B3GALNT2: variants seen among roughly 807,000 people sequenced by gnomAD.
B3GALNT2 encodes the protein UDP-GalNAc:beta-1,3-N-acetylgalactosaminyltransferase 2.
A neutral mutation model predicts 61.1 loss-of-function variants in B3GALNT2; 53 were observed. The ratio of observed to expected loss-of-function variants is 0.87; its 90% CI spans 0.70 to 1.09. B3GALNT2 has a LOEUF of 1.09. Ranked by LOEUF, B3GALNT2 falls within the 50% of genes least tolerant of loss-of-function variation. The pLI is 0.00. For synonymous variants in B3GALNT2, 223 were observed against 237.4 expected (o/e 0.94, Z 0.56); for missense variants, 544 against 623.0 (o/e 0.87, Z 1.35).
At chr1:235,470,510 G>A (rs1683937567) in intron 6 of B3GALNT2, among the ~76,000 whole-genome samples, 1 of 151,008 alleles carries the variant, frequency 6.6e-6, no homozygotes, top group Admixed American at 6.6e-5. Context: ...GCCAGGAGGT[G>A]GAGGCTGCAG....
In B3GALNT2 at chr1:235,465,713, G is replaced by T; in HGVS notation, c.764C>A (p.Ala255Asp). The change falls in exon 7 of 12, where the codon GCT becomes GAT. Residue 255 changes from alanine (A) to aspartate (D), a missense_variant and splice_region_variant. Ala to Asp is a moderately radical substitution (Grantham distance 126). Coordinates refer to ENST00000366600, the MANE Select transcript of B3GALNT2 (RefSeq NM_152490.5). ...DGGGVLRVITAGEGALPHEFL... is the reference protein window; with the variant it reads ...DGGGVLRVITDGEGALPHEFL... ...TTCATGAGGCAATGCACCCTCCCCA[G>T]CCTGAAAGGAATAAGAATGTACTCA... 1 of 1,613,766 alleles carries T rather than the reference G, an allele frequency of 6.2e-7. No individual in the cohort carries two copies. Among genetic ancestry groups the T allele is most frequent in the Non-Finnish European group, 8.5e-7 (1 of 1,179,882 alleles).
At chr1:235,478,114 T>C (rs1160177761) in intron 5 of B3GALNT2, among the ~76,000 whole-genome samples, 1 of 152,086 alleles carries the variant, frequency 6.6e-6, no homozygotes, top group Non-Finnish European at 1.5e-5. Flanking sequence ...GAGTGCAGTG[T>C]TGCAATCTTG....
intron 5 of B3GALNT2, chr1:235,479,577 T>G (rs754000836): frequency 6.4e-5 from 10 of 155,588 alleles, no homozygotes; most frequent in Middle Eastern, 3.1e-3. Context: ...AGGTACATTT[T>G]CAGGCTATCA....
At chr1:235,452,180 T>C (rs1261764675) in intron 11 of B3GALNT2, 1 of 151,914 alleles carries the variant, frequency 6.6e-6, no homozygotes, top group Non-Finnish European at 1.5e-5. Flanking sequence ...GCCTGGCTAA[T>C]TTTTTTTGTA....
In B3GALNT2 at chr1:235,455,672, T is replaced by A. The variant is rs768845033; in HGVS notation, c.1038A>T (p.Thr346=). 6.2e-7 allele frequency: 1 copy of A among 1,609,382 alleles called. No homozygotes were observed. Among genetic ancestry groups the A allele is most frequent in the South Asian group, 1.1e-5 (1 of 90,984 alleles). ...TCTTCAGCAACAAATTGAAGCTCGTTGTTTCCACAGTCCTGTTGACACAAA... is the reference window on the plus strand; with the variant it reads ...TCTTCAGCAACAAATTGAAGCTCGTAGTTTCCACAGTCCTGTTGACACAAA... ...LLNFYRWTVE[T]TSFNLLLKTD... Residue 346 remains threonine (T), a synonymous_variant, in exon 9 of 12, where the codon ACA becomes ACT. Transcript: ENST00000366600.
Position 235,447,802 on chromosome 1 carries a change from C to T in B3GALNT2, c.*2404G>A, listed in dbSNP as rs1682501914. ...CACTACTGAAATGGTATGAAACTCA[C>T]TGTCAAAGGGCACTTAGGTCCGTTG... On this transcript the variant is annotated 3_prime_UTR_variant, in exon 12 of 12. Transcript: ENST00000366600. Among the ~76,000 whole-genome samples, 1 of 152,174 alleles carries T rather than the reference C, an allele frequency of 6.6e-6. No homozygotes were observed. Among genetic ancestry groups the T allele is most frequent in the Non-Finnish European group, 1.5e-5 (1 of 68,034 alleles).
chr1:235,481,624 G>A (rs928562238), intron 4 of B3GALNT2, among the ~76,000 whole-genome samples: 4 of 151,988 alleles, frequency 2.6e-5, no homozygotes, highest in African/African-American at 7.3e-5. Context: ...GATTACAGGC[G>A]TGAGCCATTG....
chr1:235,470,774 G>A (rs1572512854), intron 6 of B3GALNT2, 76 bp downstream of exon 6: 8 of 1,545,388 alleles, frequency 5.2e-6, no homozygotes, highest in Non-Finnish European at 7.0e-6. Flanking sequence ...TGGGCTCTAA[G>A]GTAAATTTTA....
At chr1:235,471,663 A>T (rs1684014131) in intron 5 of B3GALNT2, among the ~76,000 whole-genome samples, 1 of 151,990 alleles carries the variant, frequency 6.6e-6, no homozygotes, top group Admixed American at 6.6e-5. Flanking sequence ...ATTTAGTTGG[A>T]TTTATTTTTC....
chr1:235,485,467 C>T (rs982256275), intron 3 of B3GALNT2, among the ~76,000 whole-genome samples: 4 of 152,160 alleles, frequency 2.6e-5, no homozygotes, highest in African/African-American at 9.7e-5. Flanking sequence ...GCACACACCA[C>T]CAGGCCTTGC....
At chr1:235,469,719 A>C (rs1558420764) in intron 6 of B3GALNT2, among the ~76,000 whole-genome samples, 1 of 142,614 alleles carries the variant, frequency 7.0e-6, no homozygotes, top group African/African-American at 2.6e-5. Context: ...GGCCCAGCTA[A>C]TTTTTTTTTT....
At chr1:235,482,596 G>T (rs1301032562) in intron 4 of B3GALNT2, among the ~76,000 whole-genome samples, 2 of 149,358 alleles carry the variant, frequency 1.3e-5, no homozygotes, top group Non-Finnish European at 2.9e-5. Context: ...CAATTTAGCT[G>T]CCTGCTAAAA....
chr1:235,464,471 T>TCCTCCCTCACTTCCTCCCCCTCCTC (rs1207406321), intron 7 of B3GALNT2: 3 of 143,648 alleles, frequency 2.1e-5, no homozygotes, highest in Admixed American at 7.0e-5. Flanking sequence ...CTCCACCCCT[T>TCCTCCCTCACTTCCTCCCCCTCCTC]CCTCCCTCAC....
At chr1:235,457,930 G>A (rs1053148568) in intron 8 of B3GALNT2, among the ~76,000 whole-genome samples, 2 of 148,850 alleles carry the variant, frequency 1.3e-5, no homozygotes, top group Non-Finnish European at 1.5e-5. Flanking sequence ...TTTTTGAGAC[G>A]GAGTCTCACT....
Position 235,448,674 on chromosome 1 carries a change from C to T in B3GALNT2, c.*1532G>A, listed in dbSNP as rs776965318. On this transcript the variant is annotated 3_prime_UTR_variant, in exon 12 of 12. Transcript: ENST00000366600. ...CCACCTTCGTTCTAATTTTAGAAGC[C>T]GGGCAGAGAAATCGAGCTGGAAAAT... is the stretch of plus-strand genomic sequence containing the variant. The T allele has an allele frequency of 3.2e-5, 52 of 1,613,246 alleles. No homozygotes were observed. Among genetic ancestry groups the T allele is most frequent in the Non-Finnish European group, 3.8e-5 (45 of 1,179,510 alleles).
At chr1:235,452,769 G>T (rs1038978832) in intron 11 of B3GALNT2, among the ~76,000 whole-genome samples, 1 of 152,082 alleles carries the variant, frequency 6.6e-6, no homozygotes, top group Non-Finnish European at 1.5e-5. Context: ...GCCCAGGCTG[G>T]TCTTGAACTC....
chr1:235,488,400 T>C (rs577439136), intron 3 of B3GALNT2, among the ~76,000 whole-genome samples: 1 of 152,030 alleles, frequency 6.6e-6, no homozygotes, highest in East Asian at 1.9e-4. Context: ...AATGATGAAA[T>C]AGGCTGGGTA....
At chr1:235,472,149 A>G (rs1488833018) in intron 5 of B3GALNT2, among the ~76,000 whole-genome samples, 3 of 152,138 alleles carry the variant, frequency 2.0e-5, no homozygotes, top group Admixed American at 2.0e-4. Context: ...AATCCTGTGC[A>G]CATTTTATAT....
intron 1 of B3GALNT2, 133 bp from the exon 2 acceptor site, chr1:235,494,961 T>A (rs1268484261): frequency 1.1e-6 from 1 of 946,094 alleles, no homozygotes. Context: ...AAAGAATTTT[T>A]AAATCACATA....
Sources: allele counts gnomAD v4.1 joint callset (sites outside exome capture counted in the v4.1 genomes callset), GRCh38; gene constraint gnomAD v4.1.1; transcripts MANE v1.5; gene names NCBI Gene and HGNC (gene_info 2026-07-23, HGNC 2026-07-21).